Variants in STN1 observed in about 807,000 individuals in gnomAD.
STN1 encodes STN1 subunit of CST complex, also known as CST complex subunit STN1.
In STN1, 29 loss-of-function variants were observed where a neutral mutation model predicts 45.5. The observed-to-expected ratio is 0.64, with a 90% CI of 0.47 to 0.87. The LOEUF is 0.87. STN1 is among the 40% of genes least tolerant of loss of function. STN1 has a pLI of 0.00. For synonymous variants in STN1, 148 were observed against 159.0 expected (o/e 0.93, Z 0.52); for missense variants, 376 against 441.4 (o/e 0.85, Z 1.33).
intron 2 of STN1, among the ~76,000 whole-genome samples, chr10:103,913,183 A>G (rs1037604876): frequency 6.6e-6 from 1 of 152,242 alleles, no homozygotes; most frequent in African/African-American, 2.4e-5. Flanking sequence ...AGGCATTGAG[A>G]AGACTGGGCT....
In STN1 at chr10:103,899,940, C is replaced by A. The variant is rs932846782; in HGVS notation, c.457+122G>T. The A allele has an allele frequency of 2.6e-5, 19 of 725,582 alleles. No homozygotes were observed. In the East Asian group the frequency reaches 4.7e-4, roughly 18 times the overall value. The allele number at this position is 725,582 out of a possible 1,614,324, so 44.9% of individuals were successfully genotyped here. A position where few individuals can be genotyped will look rare whatever the true frequency, so the allele number is the denominator to read the frequency against. ...AAAGCATGTTAAACAATGTAATTCA[C>A]TCATTAAATAGAGTTATACCTTAAC... On this transcript the variant is annotated intron_variant, in intron 5 of 9. Coordinates refer to ENST00000224950, the MANE Select transcript of STN1 (RefSeq NM_024928.5).
chr10:103,897,477 T>A, intron 7 of STN1, 71 bp downstream of exon 7: 1 of 1,355,284 alleles, frequency 7.4e-7, no homozygotes, highest in Non-Finnish European at 1.1e-6. Context: ...CCACAGTCAC[T>A]TTCACCCACA....
Position 103,879,483 on chromosome 10 carries a change from A to G in STN1, c.*3201T>C, listed in dbSNP as rs12573103. ...TGACACTCAAGTAAAGGCTGGAAAG[A>G]GGGCAGAGGGAGGCACTTCACATGG... On this transcript the variant is annotated 3_prime_UTR_variant, in exon 10 of 10. Coordinates refer to ENST00000224950, the MANE Select transcript of STN1 (RefSeq NM_024928.5). 0.45 allele frequency: 69,313 copies of G among 152,476 alleles called. 16,501 individuals carry two copies. Among genetic ancestry groups the G allele is most frequent in the Non-Finnish European group, 0.51 (34,728 of 68,236 alleles). 9.4% of individuals were successfully genotyped at this position (152,476 alleles called of 1,614,324 possible).
intron 4 of STN1, 147 bp from the exon 5 acceptor site, chr10:103,900,370 T>C (rs894093745): frequency 1.3e-6 from 1 of 782,040 alleles, no homozygotes; most frequent in Non-Finnish European, 2.0e-6. Flanking sequence ...GAAATCCACA[T>C]AACCTTTTGG....
rs148689968 is a variant in STN1, at chr10:103,917,342, T to A, written c.133+120A>T. ...AACTCATGCGAAGGTCCAGGCTAGG[T>A]CCCTTTCAAAGCCTGCAGCAGGGAA... On this transcript the variant is annotated intron_variant, in intron 2 of 9. Coordinates refer to ENST00000224950, the MANE Select transcript of STN1 (RefSeq NM_024928.5). 1.6e-4 allele frequency: 127 copies of A among 773,790 alleles called. No individual in the cohort carries two copies. In the African/African-American group the frequency reaches 2.1e-3, roughly 13 times the overall value. The allele number at this position is 773,790 out of a possible 1,614,324, so 47.9% of individuals were successfully genotyped here. A position where few individuals can be genotyped will look rare whatever the true frequency, so the allele number is the denominator to read the frequency against.
At chr10:103,911,496 A>C (rs1843290986) in intron 2 of STN1, among the ~76,000 whole-genome samples, 1 of 152,070 alleles carries the variant, frequency 6.6e-6, no homozygotes, top group South Asian at 2.1e-4. Context: ...ATGACGGCTA[A>C]ATTCTTTACT....
In STN1 at chr10:103,881,284, CT is replaced by C. The variant is rs1196028827; in HGVS notation, c.*1399del. Among the ~76,000 whole-genome samples the C allele has an allele frequency of 6.6e-6, 1 of 152,156 alleles. No individual in the cohort carries two copies. Among genetic ancestry groups the C allele is most frequent in the Non-Finnish European group, 1.5e-5 (1 of 68,030 alleles). The stretch of plus-strand genomic sequence containing the variant: ...GAGTTGCTATAGGCAAGGGTATGCC[CT>C]TTTTACCTTCTGATTCTGAACTCCT... On this transcript the variant is annotated 3_prime_UTR_variant, in exon 10 of 10. Coordinates refer to ENST00000224950, the MANE Select transcript of STN1 (RefSeq NM_024928.5).
chr10:103,914,357 TATATATATATA>T (rs1276421957), intron 2 of STN1, among the ~76,000 whole-genome samples: 1,280 of 76,200 alleles, frequency 0.017, 202 homozygotes, highest in South Asian at 0.019. Context: ...TATATATATA[TATATATATATA>T]TATATATTTT....
At chr10:103,895,500 C>T (rs1843165301) in intron 7 of STN1, among the ~76,000 whole-genome samples, 1 of 152,212 alleles carries the variant, frequency 6.6e-6, no homozygotes, top group Non-Finnish European at 1.5e-5. Flanking sequence ...GGAAGAAGGT[C>T]AATCTTGCTG....
chr10:103,880,461 G>A lies in STN1; in HGVS notation c.*2223C>T, dbSNP rs867129555. ...CAGGCTGATCTTTGCTTGAACGTGG[G>A]GTTTCATTTGGGACCCTCCCCTCTC... On this transcript the variant is annotated 3_prime_UTR_variant, in exon 10 of 10. Coordinates refer to ENST00000224950, the MANE Select transcript of STN1 (RefSeq NM_024928.5). Among the ~76,000 whole-genome samples the A allele has an allele frequency of 6.6e-6, 1 of 152,160 alleles. No individual in the cohort carries two copies. Among genetic ancestry groups the A allele is most frequent in the Non-Finnish European group, 1.5e-5 (1 of 68,024 alleles).
intron 2 of STN1, among the ~76,000 whole-genome samples, chr10:103,914,360 A>ATTTTT (rs1564636131): frequency 2.9e-4 from 3 of 10,458 alleles, no homozygotes; most frequent in South Asian, 6.4e-3. Context: ...ATATATATAT[A>ATTTTT]TATATATATA....
intron 9 of STN1, among the ~76,000 whole-genome samples, chr10:103,887,316 A>C (rs1334039172): frequency 6.6e-6 from 1 of 152,208 alleles, no homozygotes; most frequent in Non-Finnish European, 1.5e-5. Flanking sequence ...GTCAAGGATA[A>C]ATAATATGAT....
intron 2 of STN1, among the ~76,000 whole-genome samples, chr10:103,914,337 T>C (rs2475217): frequency 0.8 from 84,482 of 105,832 alleles, 32,948 homozygotes; most frequent in East Asian, 0.96. Context: ...TAAAAATACA[T>C]ATATATATAT....
chr10:103,898,117 AG>A (rs773799254), intron 6 of STN1, among the ~76,000 whole-genome samples: 4 of 152,242 alleles, frequency 2.6e-5, no homozygotes, highest in Non-Finnish European at 5.9e-5. Flanking sequence ...GGCAGGAGAC[AG>A]GAAAATGGAG....
rs1005800081 is a variant in STN1, at chr10:103,889,033, C to T, written c.949+39G>A. The T allele has an allele frequency of 4.2e-6, 6 of 1,425,528 alleles. No individual in the cohort carries two copies. The Admixed American group carries it at 5.0e-5, about 12-fold the overall frequency. 88.3% of individuals were successfully genotyped at this position (1,425,528 alleles called of 1,614,324 possible). The stretch of plus-strand genomic sequence containing the variant: ...CTCCCCGGGAGACAGTATCCCCTTC[C>T]AGGGCACCAGGGCATCACTTGTACA... On this transcript the variant is annotated intron_variant, in intron 9 of 9. Transcript: ENST00000224950.
chr10:103,897,268 G>A (rs905864691), intron 7 of STN1, among the ~76,000 whole-genome samples: 10 of 151,860 alleles, frequency 6.6e-5, no homozygotes, highest in African/African-American at 2.2e-4. Context: ...TGAGGCCAAG[G>A]CAGGAGAAGC....
intron 9 of STN1, among the ~76,000 whole-genome samples, chr10:103,884,601 T>C (rs1224663444): frequency 6.6e-5 from 10 of 152,220 alleles, no homozygotes; most frequent in Admixed American, 5.9e-4. Flanking sequence ...ACCCAGTATC[T>C]GGCACACAAA....
rs564222441 is a variant in STN1, at chr10:103,890,467, T to C, written c.877-1323A>G. 7.9e-5 allele frequency among the ~76,000 whole-genome samples: 12 copies of C among 152,310 alleles called. No individual in the cohort carries two copies. In the East Asian group the frequency reaches 2.3e-3, roughly 29 times the overall value. ...GAGATCTATTTGTGCTTGATCACAATGATTCACAGGAGGAAGTACCCAGCC... is the reference window on the plus strand; with the variant it reads ...GAGATCTATTTGTGCTTGATCACAACGATTCACAGGAGGAAGTACCCAGCC... On this transcript the variant is annotated intron_variant, in intron 8 of 9. Coordinates refer to ENST00000224950, the MANE Select transcript of STN1 (RefSeq NM_024928.5).
chr10:103,879,830 G>A lies in STN1; in HGVS notation c.*2854C>T, dbSNP rs1843056366. 6.6e-6 allele frequency: 1 copy of A among 152,500 alleles called. No individual in the cohort carries two copies. The highest frequency in any genetic ancestry group is 1.5e-5 in the Non-Finnish European group (1 of 68,242). 9.4% of individuals were successfully genotyped at this position (152,500 alleles called of 1,614,324 possible). A position where few individuals can be genotyped will look rare whatever the true frequency, so the allele number is the denominator to read the frequency against. On this transcript the variant is annotated 3_prime_UTR_variant, in exon 10 of 10. Transcript: ENST00000224950. Reference sequence around the variant, plus strand: ...TGAAGGTAGAGCCAAAAGACTTGCAGACAGATTGGATGTGAGGTATGATAG... The same window carrying A: ...TGAAGGTAGAGCCAAAAGACTTGCAAACAGATTGGATGTGAGGTATGATAG...
Sources: allele counts gnomAD v4.1 joint callset (sites outside exome capture counted in the v4.1 genomes callset), GRCh38; gene constraint gnomAD v4.1.1; transcripts MANE v1.5; gene names NCBI Gene and HGNC (gene_info 2026-07-23, HGNC 2026-07-21).